CNTN3: variants seen among roughly 807,000 people sequenced by gnomAD.
CNTN3 encodes contactin 3, also known as contactin-3.
A neutral mutation model predicts 119.1 loss-of-function variants in CNTN3; 60 were observed. The observed-to-expected ratio is 0.50, with a 90% CI of 0.41 to 0.62. CNTN3 has a LOEUF of 0.62. CNTN3 is among the 20% of genes least tolerant of loss of function. The pLI, the probability that CNTN3 is intolerant of heterozygous loss-of-function variation, is 0.00. For synonymous variants in CNTN3, 450 were observed against 438.7 expected (o/e 1.03, Z -0.32); for missense variants, 1,101 against 1,242.4 (o/e 0.89, Z 1.71).
intron 14 of CNTN3, 62 bp from the exon 15 acceptor site, chr3:74,301,867 AAAGAG>A (rs1356162494): frequency 6.4e-7 from 1 of 1,551,000 alleles, no homozygotes; most frequent in East Asian, 2.2e-5. Flanking sequence ...CTCTCCTATC[AAAGAG>A]AAGAGAATGT....
chr3:74,300,013 T>C, intron 16 of CNTN3, 75 bp from the exon 17 acceptor site: 2 of 890,206 alleles, frequency 2.2e-6, no homozygotes, highest in Non-Finnish European at 3.2e-6. Context: ...AATGCAATGT[T>C]TTTTTAATAT....
chr3:74,588,579 T>C (rs1342521011), intron 1 of CNTN3, among the ~76,000 whole-genome samples: 8 of 152,190 alleles, frequency 5.3e-5, no homozygotes, highest in Non-Finnish European at 8.8e-5. Context: ...TACCAATGAC[T>C]TTCTTCACAG....
intron 11 of CNTN3, among the ~76,000 whole-genome samples, chr3:74,345,538 T>C (rs1703668548): frequency 6.6e-6 from 1 of 152,222 alleles, no homozygotes; most frequent in Admixed American, 6.5e-5. Context: ...ATGTGGCCTA[T>C]GTATTCCTCA....
intron 11 of CNTN3, 120 bp from the exon 12 acceptor site, chr3:74,336,778 G>T: frequency 4.6e-6 from 3 of 659,226 alleles, no homozygotes; most frequent in Non-Finnish European, 7.0e-6. Context: ...TGATCAACCA[G>T]TCCTTAGCTT....
chr3:74,340,440 G>A (rs993735915), intron 11 of CNTN3, among the ~76,000 whole-genome samples: 1 of 152,088 alleles, frequency 6.6e-6, no homozygotes, highest in Non-Finnish European at 1.5e-5. Context: ...GAAACTGTCA[G>A]AGAAGTCTTG....
Position 74,569,766 on chromosome 3 carries a change from G to A in CNTN3, c.-81+44625C>T, listed in dbSNP as rs542013679. Among the ~76,000 whole-genome samples, 6 of 152,240 alleles carry A rather than the reference G, an allele frequency of 3.9e-5. No homozygotes were observed. The South Asian group carries it at 1.2e-3, about 32-fold the overall frequency. On this transcript the variant is annotated intron_variant, in intron 1 of 22. Coordinates refer to ENST00000263665, the MANE Select transcript of CNTN3 (RefSeq NM_020872.3). The stretch of plus-strand genomic sequence containing the variant: ...CATTTTAGCTGTGTCCTCTGCTCGG[G>A]CTCTCAGGTGACTGACATCAAGGTG...
chr3:74,382,009 G>C (rs1704634550), intron 5 of CNTN3, among the ~76,000 whole-genome samples: 1 of 152,076 alleles, frequency 6.6e-6, no homozygotes, highest in Admixed American at 6.5e-5. Flanking sequence ...GGGAGTTTGA[G>C]ATCAGGCCAA....
rs139877872 is a variant in CNTN3, at chr3:74,505,502, T to TACACACACAC, written c.56-5727_56-5718dup. On this transcript the variant is annotated intron_variant, in intron 2 of 22. Coordinates refer to ENST00000263665, the MANE Select transcript of CNTN3 (RefSeq NM_020872.3). ...ATATATATTTATATATGTGCATAAA[T>TACACACACAC]ACACACACACACACACACACACCAC... 2.9e-3 allele frequency among the ~76,000 whole-genome samples: 422 copies of TACACACACAC among 146,656 alleles called. 2 individuals carry two copies. The highest frequency in any genetic ancestry group is 0.01 in the African/African-American group (397 of 39,656).
rs746770798 is a variant in CNTN3 at position 74,437,612 on chromosome 3, C to T, written c.359-12672G>A. Among the ~76,000 whole-genome samples the T allele has an allele frequency of 2.4e-4, 37 of 152,218 alleles. 1 individual carries two copies. Among genetic ancestry groups the T allele is most frequent in the African/African-American group, 7.2e-4 (30 of 41,528 alleles). ...TTTTACAATACTAAAGTTTAAAACA[C>T]GAACAATTACTACAAACTGAAGAGT... On this transcript the variant is annotated intron_variant, in intron 4 of 22. Coordinates refer to ENST00000263665, the MANE Select transcript of CNTN3 (RefSeq NM_020872.3).
At chr3:74,606,378 T>C (rs1575864790) in intron 1 of CNTN3, among the ~76,000 whole-genome samples, 1 of 152,038 alleles carries the variant, frequency 6.6e-6, no homozygotes, top group East Asian at 1.9e-4. Context: ...GTTTATGATT[T>C]GGGATTAACT....
intron 16 of CNTN3, among the ~76,000 whole-genome samples, chr3:74,300,652 A>G (rs1702436737): frequency 6.6e-6 from 1 of 152,242 alleles, no homozygotes. Flanking sequence ...TGAGTGAAAC[A>G]GCATCATGAA....
At chr3:74,570,591 G>A (rs1261660141) in intron 1 of CNTN3, among the ~76,000 whole-genome samples, 8 of 150,806 alleles carry the variant, frequency 5.3e-5, no homozygotes, top group Admixed American at 3.3e-4. Flanking sequence ...CAGTGCCCTA[G>A]AGAATACAGA....
chr3:74,552,425 G>A (rs757772159), intron 1 of CNTN3, among the ~76,000 whole-genome samples: 1 of 152,148 alleles, frequency 6.6e-6, no homozygotes, highest in African/African-American at 2.4e-5. Context: ...CTAGCAATGA[G>A]TGAGAGTTCT....
intron 13 of CNTN3, among the ~76,000 whole-genome samples, chr3:74,322,477 C>T (rs974878634): frequency 2.0e-5 from 3 of 152,068 alleles, no homozygotes; most frequent in Admixed American, 1.3e-4. Flanking sequence ...GGCCAAAATC[C>T]AGACACTGAC....
In CNTN3 at chr3:74,293,390, AAAG is replaced by A. The variant is rs560438684; in HGVS notation, c.2517+1728_2517+1730del. On this transcript the variant is annotated intron_variant, in intron 19 of 22. Transcript: ENST00000263665. ...TTCAAATATAAGGAGAATCTATTAA[AAAG>A]AAGGGCAAGGTTACATTATGAAAAA... 3.0e-3 allele frequency among the ~76,000 whole-genome samples: 454 copies of A among 152,360 alleles called. 6 individuals carry two copies. The highest frequency in any genetic ancestry group is 0.011 in the African/African-American group (439 of 41,596).
At chr3:74,413,348 A>T (rs1486528246) in intron 5 of CNTN3, among the ~76,000 whole-genome samples, 1 of 152,172 alleles carries the variant, frequency 6.6e-6, no homozygotes, top group Non-Finnish European at 1.5e-5. Flanking sequence ...TTGAAAGCTG[A>T]CGGATGCAGA....
chr3:74,370,034 T>C lies in CNTN3; in HGVS notation c.659-43A>G, dbSNP rs745419777. ...AAAGTTAATCGTTTCAATATTTCCT[T>C]TAGAATTGCCTCGTTTTTCTTAAAT... is the stretch of plus-strand genomic sequence containing the variant. On this transcript the variant is annotated intron_variant, in intron 6 of 22. Transcript: ENST00000263665. The C allele has an allele frequency of 6.4e-6, 7 of 1,089,262 alleles. No homozygotes were observed. In the South Asian group the frequency reaches 1.0e-4, roughly 16 times the overall value. The allele number at this position is 1,089,262 out of a possible 1,614,324, so 67.5% of individuals were successfully genotyped here.
chr3:74,465,796 T>C (rs1702450668), intron 4 of CNTN3, among the ~76,000 whole-genome samples: 2 of 152,112 alleles, frequency 1.3e-5, no homozygotes, highest in Non-Finnish European at 2.9e-5. Context: ...ATTTCAAGCT[T>C]ATGCCTGGGA....
At chr3:74,573,586 T>C (rs1252009132) in intron 1 of CNTN3, among the ~76,000 whole-genome samples, 1 of 152,066 alleles carries the variant, frequency 6.6e-6, no homozygotes, top group Non-Finnish European at 1.5e-5. Flanking sequence ...AGAATTCTTA[T>C]ATTGCAACAA....
Sources: allele counts gnomAD v4.1 joint callset (sites outside exome capture counted in the v4.1 genomes callset), GRCh38; gene constraint gnomAD v4.1.1; transcripts MANE v1.5; gene names NCBI Gene and HGNC (gene_info 2026-07-23, HGNC 2026-07-21).